Variants in CDKL1 observed in about 807,000 individuals in gnomAD.
CDKL1 encodes the protein cyclin-dependent kinase-like 1.
A neutral mutation model predicts 42.0 loss-of-function variants in CDKL1; 41 were observed. The ratio of observed to expected loss-of-function variants is 0.98; its 90% CI spans 0.76 to 1.27. The LOEUF is 1.27. Among genes scored for constraint, CDKL1 ranks in the 50% most tolerant of loss-of-function variants. The pLI is 0.00. For missense variants in CDKL1, 394 were observed against 428.4 expected, an observed-to-expected ratio of 0.92 and a Z score of 0.71; for synonymous variants, 153 against 158.6, an observed-to-expected ratio of 0.96 and a Z score of 0.26.
At position 50,342,541 on chromosome 14, in the gene CDKL1, A is replaced by C. The variant is rs11570833; in HGVS notation, c.364-319T>G. 2.9e-3 allele frequency: 1,579 copies of C among 553,942 alleles called. 24 individuals carry two copies. The African/African-American group carries it at 0.029, about 10-fold the overall frequency. The allele number at this position is 553,942 out of a possible 1,614,324, so 34.3% of individuals were successfully genotyped here. On this transcript the variant is annotated intron_variant, in intron 4 of 9. Transcript: ENST00000395834. ...GATAAACAAATAATTTTTTTAGGAT[A>C]ATACATCCCATGAAGCACTTGGGAT...
chr14:50,395,822 C>G lies in CDKL1; in HGVS notation c.47G>C (p.Gly16Ala). 1 of 1,611,092 alleles carries G rather than the reference C, an allele frequency of 6.2e-7. No homozygotes were observed. Among genetic ancestry groups the G allele is most frequent in the Non-Finnish European group, 8.5e-7 (1 of 1,177,230 alleles). ...CCTGTTTCTACATTTGAAAACAACT[C>G]CATAGGATCCTTCTCCAATTTTCCC... ...KIGKIGEGSY[G>A]VVFKCRNRDT... The change falls in exon 2 of 10, where the codon GGA (glycine) becomes GCA (alanine). Residue 16 changes from glycine (G) to alanine (A), a missense_variant. Transcript: ENST00000395834.
intron 2 of CDKL1, among the ~76,000 whole-genome samples, chr14:50,367,581 A>G (rs1002312197): frequency 3.3e-5 from 5 of 152,260 alleles, no homozygotes; most frequent in Non-Finnish European, 7.3e-5. Context: ...ACTAAGCAAC[A>G]TGATGGACAA....
chr14:50,358,634 G>GTTTT (rs1379484175), intron 3 of CDKL1, among the ~76,000 whole-genome samples: 3 of 45,122 alleles, frequency 6.6e-5, no homozygotes, highest in African/African-American at 2.2e-4. Flanking sequence ...TTTTTAACTA[G>GTTTT]TCTTTTTTTT....
In CDKL1 at chr14:50,330,125, C is replaced by A. The variant is rs11570886; in HGVS notation, c.1023G>T (p.Lys341Asn). 1.3e-5 allele frequency: 21 copies of A among 1,609,400 alleles called. No individual in the cohort carries two copies. Among genetic ancestry groups the A allele is most frequent in the Admixed American group, 1.0e-4 (6 of 58,534 alleles). The change falls in exon 10 of 10, where the codon AAG becomes AAT. Residue 341 changes from lysine to asparagine, a missense_variant. Transcript: ENST00000395834. ...GSSILPALDNKKYYCDTKKLN... is the reference protein window; with the variant it reads ...GSSILPALDNNKYYCDTKKLN... Reference sequence around the variant, plus strand: ...GTTTCTTGGTATCACAGTAGTACTTCTTATTATCCAAAGCTGGAAGGATGC... The same window carrying A: ...GTTTCTTGGTATCACAGTAGTACTTATTATTATCCAAAGCTGGAAGGATGC...
intron 3 of CDKL1, among the ~76,000 whole-genome samples, chr14:50,354,371 G>A (rs1327424150): frequency 6.6e-6 from 1 of 152,172 alleles, no homozygotes; most frequent in Non-Finnish European, 1.5e-5. Context: ...AAAACTTGCA[G>A]TAATGTACAT....
At chr14:50,381,876 T>C (rs1849747623) in intron 2 of CDKL1, among the ~76,000 whole-genome samples, 1 of 152,124 alleles carries the variant, frequency 6.6e-6, no homozygotes, top group South Asian at 2.1e-4. Flanking sequence ...GGGCTCAAGC[T>C]ATCCTTCTGC....
At chr14:50,369,798 T>C (rs2034540152) in intron 2 of CDKL1, among the ~76,000 whole-genome samples, 1 of 151,752 alleles carries the variant, frequency 6.6e-6, no homozygotes, top group African/African-American at 2.4e-5. Context: ...TCTGTATTTT[T>C]AGTAGAGACA....
chr14:50,336,631 T>A (rs908277589), intron 7 of CDKL1, among the ~76,000 whole-genome samples: 4 of 152,068 alleles, frequency 2.6e-5, no homozygotes, highest in African/African-American at 9.7e-5. Context: ...AACTGAAGGG[T>A]TTAGTGAGAA....
intron 3 of CDKL1, among the ~76,000 whole-genome samples, chr14:50,356,227 A>AC (rs2034053004): frequency 1.3e-5 from 2 of 152,114 alleles, no homozygotes; most frequent in African/African-American, 4.8e-5. Flanking sequence ...AAGTCTTCTG[A>AC]CCCCTAAGGT....
rs558979284 is a variant in CDKL1, at chr14:50,363,683, A to G, written c.169-4534T>C. Among the ~76,000 whole-genome samples, 6 of 152,282 alleles carry G rather than the reference A, an allele frequency of 3.9e-5. No homozygotes were observed. In the South Asian group the frequency reaches 1.2e-3, roughly 32 times the overall value. ...TGTCTCCAGCTGGCTCTTCTAACAAAAGTAGAAATGCATCAATTCTACCCA... is the reference window on the plus strand; with the variant it reads ...TGTCTCCAGCTGGCTCTTCTAACAAGAGTAGAAATGCATCAATTCTACCCA... On this transcript the variant is annotated intron_variant, in intron 2 of 9. Coordinates refer to ENST00000395834, the MANE Select transcript of CDKL1 (RefSeq NM_004196.7).
At chr14:50,358,159 G>C in intron 3 of CDKL1, 1 of 1,321,504 alleles carries the variant, frequency 7.6e-7, no homozygotes, top group Non-Finnish European at 1.0e-6. Flanking sequence ...AGAGAGCTGT[G>C]TGGTAAGATC....
At chr14:50,380,890 C>T (rs548880917) in intron 2 of CDKL1, among the ~76,000 whole-genome samples, 31 of 150,770 alleles carry the variant, frequency 2.1e-4, no homozygotes, top group Non-Finnish European at 4.3e-4. Context: ...TAGCCTTCAA[C>T]TCCTGAGCTC....
intron 2 of CDKL1, chr14:50,363,385 G>A (rs1041611640): frequency 6.4e-6 from 1 of 156,090 alleles, no homozygotes; most frequent in Non-Finnish European, 1.4e-5. Context: ...AAACATAGTA[G>A]GATAGAACTG....
At chr14:50,384,394 C>T (rs763429396) in intron 2 of CDKL1, among the ~76,000 whole-genome samples, 1 of 152,200 alleles carries the variant, frequency 6.6e-6, no homozygotes, top group Non-Finnish European at 1.5e-5. Context: ...ATCTCATTCT[C>T]ACTAAAAGGA....
Position 50,341,454 on chromosome 14 carries a change from T to C in CDKL1, c.455-222A>G, listed in dbSNP as rs1387526438. 8.9e-3 allele frequency among the ~76,000 whole-genome samples: 63 copies of C among 7,092 alleles called. 1 individual carries two copies. The highest frequency in any genetic ancestry group is 0.03 in the African/African-American group (56 of 1,838). The allele number at this position is 7,092 out of a possible 152,430, so 4.7% of individuals were successfully genotyped here. On this transcript the variant is annotated intron_variant, in intron 5 of 9. Transcript: ENST00000395834. ...ATTAAAACAGAATCCCTGGGGAGGGTCTGGGGGGGGGGGGGGGGTTATTTG... is the reference window on the plus strand; with the variant it reads ...ATTAAAACAGAATCCCTGGGGAGGGCCTGGGGGGGGGGGGGGGGTTATTTG...
intron 2 of CDKL1, among the ~76,000 whole-genome samples, chr14:50,379,445 G>A (rs2034839256): frequency 6.6e-6 from 1 of 152,150 alleles, no homozygotes; most frequent in South Asian, 2.1e-4. Flanking sequence ...GGGTAGACAG[G>A]CTTGTCCTCA....
At chr14:50,347,791 T>C (rs1200123172) in intron 3 of CDKL1, among the ~76,000 whole-genome samples, 1 of 151,964 alleles carries the variant, frequency 6.6e-6, no homozygotes, top group Non-Finnish European at 1.5e-5. Flanking sequence ...AAGGAGTGAA[T>C]CCAGCTAAAG....
At chr14:50,376,750 C>A (rs2034744807) in intron 2 of CDKL1, among the ~76,000 whole-genome samples, 1 of 151,900 alleles carries the variant, frequency 6.6e-6, no homozygotes, top group African/African-American at 2.4e-5. Flanking sequence ...TATATTGAGC[C>A]CTCTGCTCTG....
intron 2 of CDKL1, among the ~76,000 whole-genome samples, chr14:50,382,872 C>T (rs963041440): frequency 1.3e-5 from 2 of 151,978 alleles, no homozygotes; most frequent in Non-Finnish European, 2.9e-5. Context: ...GGATTACAGG[C>T]GTAAGCCACC....
Sources: allele counts gnomAD v4.1 joint callset (sites outside exome capture counted in the v4.1 genomes callset), GRCh38; gene constraint gnomAD v4.1.1; transcripts MANE v1.5; gene names NCBI Gene and HGNC (gene_info 2026-07-23, HGNC 2026-07-21).